NXN: variants seen among roughly 807,000 people sequenced by gnomAD.
NXN encodes the protein nucleoredoxin.
Under a neutral mutation model 48.6 loss-of-function variants are expected in NXN, and 16 were observed. The observed-to-expected ratio is 0.33, with a 90% CI of 0.22 to 0.50. The LOEUF (loss-of-function observed/expected upper bound fraction) is 0.50. Among genes scored for constraint, NXN ranks in the 20% least tolerant of loss-of-function variants. The pLI is 0.98. For missense variants in NXN, 492 were observed against 605.5 expected, an observed-to-expected ratio of 0.81 and a Z score of 1.97; for synonymous variants, 281 against 269.6, an observed-to-expected ratio of 1.04 and a Z score of -0.41.
intron 1 of NXN, among the ~76,000 whole-genome samples, chr17:967,419 C>T (rs1158588788): frequency 6.6e-6 from 1 of 152,192 alleles, no homozygotes; most frequent in Non-Finnish European, 1.5e-5. Flanking sequence ...GCATCTGTGC[C>T]ACCCGGGCCT....
At chr17:826,924 G>A (rs1420215158) in intron 1 of NXN, among the ~76,000 whole-genome samples, 2 of 152,268 alleles carry the variant, frequency 1.3e-5, no homozygotes, top group African/African-American at 4.8e-5. Context: ...AGGGCTGGAA[G>A]CCAAGCGTGG....
At position 976,327 on chromosome 17, in the gene NXN, C is replaced by T. The variant is rs139825881; in HGVS notation, c.360+2992G>A. On this transcript the variant is annotated intron_variant, in intron 1 of 7. Transcript: ENST00000336868. ...AATTAATAAAAGAAAAAAAGAAATA[C>T]CACACAGCATTTTCTTTCCCCACCA... Among the ~76,000 whole-genome samples the T allele has an allele frequency of 3.1e-3, 469 of 151,902 alleles. 2 individuals are homozygous for T. Among genetic ancestry groups the T allele is most frequent in the East Asian group, 0.019 (96 of 5,168 alleles).
At chr17:967,439 C>G (rs2069320123) in intron 1 of NXN, among the ~76,000 whole-genome samples, 1 of 152,218 alleles carries the variant, frequency 6.6e-6, no homozygotes, top group Admixed American at 6.5e-5. Context: ...TAAAGCTGAC[C>G]TATATCTGGA....
chr17:804,573 C>A (rs1911384695), intron 6 of NXN, among the ~76,000 whole-genome samples: 1 of 152,176 alleles, frequency 6.6e-6, no homozygotes, highest in African/African-American at 2.4e-5. Context: ...GCCTGTGTCC[C>A]CCTGGCCCGG....
At chr17:860,209 C>T (rs964454689) in intron 1 of NXN, among the ~76,000 whole-genome samples, 33 of 152,322 alleles carry the variant, frequency 2.2e-4, no homozygotes, top group Admixed American at 1.9e-3. Flanking sequence ...CTGCAACCTC[C>T]GCCTCCTGGG....
chr17:837,732 T>G (rs188830834), intron 1 of NXN, among the ~76,000 whole-genome samples: 473 of 152,306 alleles, frequency 3.1e-3, no homozygotes, highest in African/African-American at 0.01. Context: ...GCATTCTGCC[T>G]TCGCCTGGAG....
At chr17:808,366 G>A (rs1282275703) in intron 5 of NXN, among the ~76,000 whole-genome samples, 10 of 150,958 alleles carry the variant, frequency 6.6e-5, no homozygotes, top group South Asian at 4.2e-4. Flanking sequence ...GCAGTGGCGC[G>A]ATCTCGGCTC....
At chr17:865,905 C>T (rs1194520013) in intron 1 of NXN, among the ~76,000 whole-genome samples, 1 of 152,018 alleles carries the variant, frequency 6.6e-6, no homozygotes. Context: ...ATCGCTTGAA[C>T]CCGGGAGGTG....
intron 1 of NXN, among the ~76,000 whole-genome samples, chr17:868,421 T>A (rs1189557773): frequency 6.6e-6 from 1 of 152,084 alleles, no homozygotes; most frequent in Non-Finnish European, 1.5e-5. Context: ...ACCCGCAGAC[T>A]TAACGCCTTC....
chr17:830,636 C>T lies in NXN; in HGVS notation c.361-4558G>A, dbSNP rs544714747. On this transcript the variant is annotated intron_variant, in intron 1 of 7. Transcript: ENST00000336868. This position sits in a 1 kb window ranked among gnomAD's most constrained non-coding sequence, Gnocchi z 4.2. ...TCATCATAAGATTTGTGAACCACAT[C>T]GTCAAGGCCCCGTGGACGACAGCAA... is the stretch of plus-strand genomic sequence containing the variant. Among the ~76,000 whole-genome samples the T allele has an allele frequency of 1.3e-5, 2 of 152,234 alleles. No individual in the cohort carries two copies. Among genetic ancestry groups the T allele is most frequent in the South Asian group, 2.1e-4 (1 of 4,810 alleles).
chr17:903,672 G>A (rs997068415), intron 1 of NXN, among the ~76,000 whole-genome samples: 28 of 152,196 alleles, frequency 1.8e-4, no homozygotes, highest in Admixed American at 1.1e-3. Flanking sequence ...CGTGAGCCAG[G>A]ACACCCAGCC....
At chr17:948,179 T>C (rs950042292) in intron 1 of NXN, among the ~76,000 whole-genome samples, 4 of 152,188 alleles carry the variant, frequency 2.6e-5, no homozygotes, top group Non-Finnish European at 5.9e-5. Context: ...TAGGTATTAC[T>C]CATAATACAT....
chr17:931,285 C>CAA (rs778432060), intron 1 of NXN, among the ~76,000 whole-genome samples: 5 of 107,106 alleles, frequency 4.7e-5, no homozygotes, highest in African/African-American at 7.1e-5. Context: ...AGACTCCATC[C>CAA]AAAAAAAAAA....
At chr17:967,163 G>C (rs1429077834) in intron 1 of NXN, among the ~76,000 whole-genome samples, 1 of 152,168 alleles carries the variant, frequency 6.6e-6, no homozygotes, top group Admixed American at 6.5e-5. Flanking sequence ...CCAGCCTCCA[G>C]CTACACAGGT....
chr17:969,076 G>A (rs1403628188), intron 1 of NXN, among the ~76,000 whole-genome samples: 3 of 152,162 alleles, frequency 2.0e-5, no homozygotes, highest in Non-Finnish European at 4.4e-5. Context: ...GTACAAAGAG[G>A]TAAAAAGGCT....
rs117883545 is a variant in NXN, at chr17:914,627, T to A, written c.360+64692A>T. On this transcript the variant is annotated intron_variant, in intron 1 of 7. Coordinates refer to ENST00000336868, the MANE Select transcript of NXN (RefSeq NM_022463.5). The stretch of plus-strand genomic sequence containing the variant: ...CAAACATGTATGAAATGCTACCTTG[T>A]GCTGAGCATCGAACCAGGCGGAGAC... 2.8e-4 allele frequency among the ~76,000 whole-genome samples: 42 copies of A among 152,326 alleles called. 1 individual carries two copies. The East Asian group carries it at 8.1e-3, about 29-fold the overall frequency.
intron 1 of NXN, among the ~76,000 whole-genome samples, chr17:913,171 A>G (rs2068653436): frequency 6.6e-6 from 1 of 152,200 alleles, no homozygotes; most frequent in East Asian, 1.9e-4. Context: ...AATAGAGGCT[A>G]ACTTCTTATT....
At chr17:844,151 C>T (rs2067832400) in intron 1 of NXN, among the ~76,000 whole-genome samples, 1 of 151,536 alleles carries the variant, frequency 6.6e-6, no homozygotes, top group Non-Finnish European at 1.5e-5. Flanking sequence ...GGCCATCATA[C>T]ATCCCGTCCT....
At chr17:979,250 G>GCGTGGGGGGCGGGCAGGGGTAACGGA (rs2069504961) in intron 1 of NXN, 69 bp downstream of exon 1, 1 of 1,208,308 alleles carries the variant, frequency 8.3e-7, no homozygotes, top group Admixed American at 3.1e-5. Context: ...GGGGTAACGG[G>GCGTGGGGGGCGGGCAGGGGTAACGGA]CGTGGGGGGC....
Sources: allele counts gnomAD v4.1 joint callset (sites outside exome capture counted in the v4.1 genomes callset), GRCh38; gene constraint gnomAD v4.1.1; non-coding constraint Gnocchi (gnomAD v3.1); transcripts MANE v1.5; gene names NCBI Gene and HGNC (gene_info 2026-07-23, HGNC 2026-07-21).